The following OR2L13 variants were observed in gnomAD, a reference collection of about 807,000 sequenced individuals.
OR2L13 encodes olfactory receptor 2L13.
In OR2L13, 14 loss-of-function variants were observed where a neutral mutation model predicts 15.3. The observed-to-expected ratio is 0.91, with a 90% CI of 0.60 to 1.43. The LOEUF (loss-of-function observed/expected upper bound fraction) is 1.43. Among genes scored for constraint, OR2L13 ranks in the 40% most tolerant of loss-of-function variants. The pLI is 0.00. For missense variants in OR2L13, 367 were observed against 387.9 expected (o/e 0.95, Z 0.45); for synonymous variants, 152 against 142.9 (o/e 1.06, Z -0.45).
At chr1:248,020,034 C>T in the OR2L13 span, among the ~76,000 whole-genome samples, 4 of 152,174 alleles carry the variant, frequency 2.6e-5, no homozygotes, top group African/African-American at 9.7e-5. Flanking sequence ...CTGCCTGCCT[C>T]AGGCTCCCAG....
the OR2L13 span, among the ~76,000 whole-genome samples, chr1:248,020,415 T>TCTC: frequency 6.6e-6 from 1 of 152,150 alleles, no homozygotes; most frequent in African/African-American, 2.4e-5. Flanking sequence ...AATCAGCAGT[T>TCTC]CTATTCACCA....
chr1:247,946,987 C>T, the OR2L13 span, among the ~76,000 whole-genome samples: 1 of 152,108 alleles, frequency 6.6e-6, no homozygotes. Flanking sequence ...ACATATTGGT[C>T]CTCCTGTATG....
upstream of OR2L13, among the ~76,000 whole-genome samples, chr1:248,095,574 T>A (rs1234623477): frequency 1.3e-5 from 2 of 148,604 alleles, no homozygotes; most frequent in Admixed American, 6.9e-5. Context: ...ATATGGAATG[T>A]TTGCAGATTA....
At chr1:248,096,276 G>C (rs1239315578), upstream of OR2L13, among the ~76,000 whole-genome samples, 1 of 151,890 alleles carries the variant, frequency 6.6e-6, no homozygotes, top group Admixed American at 6.5e-5. Flanking sequence ...CCAGCTACTG[G>C]GGAGGCTGAG....
chr1:248,099,284 T>G, intron 2 of OR2L13, 74 bp from the exon 3 acceptor site: 1 of 839,788 alleles, frequency 1.2e-6, no homozygotes, highest in Non-Finnish European at 1.9e-6. Flanking sequence ...ATAAAGTCAG[T>G]TCCTTTTTGT....
the OR2L13 span, among the ~76,000 whole-genome samples, chr1:247,976,710 T>C: frequency 4.6e-5 from 7 of 152,186 alleles, no homozygotes; most frequent in African/African-American, 1.2e-4. Context: ...ATTTTGATGA[T>C]GTCATTTTCT....
rs765659340 is a variant in OR2L13 at position 248,099,469 on chromosome 1, C to T, written c.94C>T (p.Leu32Phe). The T allele has an allele frequency of 1.9e-6, 3 of 1,613,700 alleles. No individual in the cohort carries two copies. The highest frequency in any genetic ancestry group is 1.7e-5 in the Admixed American group (1 of 60,000). Residue 32 changes from leucine to phenylalanine, a missense_variant, in exon 3 of 3, where the codon CTC becomes TTC. Leu to Phe is a conservative substitution (Grantham distance 22). Transcript: ENST00000641714. ...AATATTTCTCTTGTGCCTTATCATC[C>T]TCATATTCTTTCTGGCCTCGGTGGG...
the OR2L13 span, among the ~76,000 whole-genome samples, chr1:247,999,168 A>G: frequency 6.6e-6 from 1 of 152,170 alleles, no homozygotes; most frequent in African/African-American, 2.4e-5. Context: ...ACATTCATCA[A>G]CAAAAGCTTA....
the OR2L13 span, among the ~76,000 whole-genome samples, chr1:248,026,390 T>C: frequency 6.6e-6 from 1 of 152,208 alleles, no homozygotes; most frequent in Non-Finnish European, 1.5e-5. Flanking sequence ...GTTGCAGATG[T>C]TTTTACATGG....
At chr1:247,956,885 T>G in the OR2L13 span, among the ~76,000 whole-genome samples, 75,658 of 151,982 alleles carry the variant, frequency 0.5, 21,854 homozygotes, top group Middle Eastern at 0.64. Context: ...TCATGTCATC[T>G]GCAAACAGGG....
At chr1:247,978,973 CAT>C in the OR2L13 span, among the ~76,000 whole-genome samples, 1 of 152,086 alleles carries the variant, frequency 6.6e-6, no homozygotes, top group Admixed American at 6.5e-5. Flanking sequence ...ATGTCCCCCA[CAT>C]GTGTTTACAG....
At chr1:248,098,368 T>C (rs553759579) in intron 1 of OR2L13, among the ~76,000 whole-genome samples, 1 of 152,344 alleles carries the variant, frequency 6.6e-6, no homozygotes, top group African/African-American at 2.4e-5. Context: ...TCATGTTTTT[T>C]TCTGATCAGT....
At chr1:247,980,393 C>G in the OR2L13 span, among the ~76,000 whole-genome samples, 1 of 152,082 alleles carries the variant, frequency 6.6e-6, no homozygotes, top group Non-Finnish European at 1.5e-5. Context: ...TGTTCTAAAA[C>G]TTACTGCCAG....
chr1:247,939,586 A>ATG, the OR2L13 span: 1 of 152,188 alleles, frequency 6.6e-6, no homozygotes, highest in Admixed American at 6.5e-5. Context: ...AATGAAAAAT[A>ATG]TGCTCTAGAG....
the OR2L13 span, among the ~76,000 whole-genome samples, chr1:248,081,280 TAAC>T: frequency 6.6e-6 from 1 of 152,164 alleles, no homozygotes; most frequent in African/African-American, 2.4e-5. Flanking sequence ...TGTGGTCAGA[TAAC>T]AAGTCTGAAA....
the OR2L13 span, chr1:247,991,233 C>T: frequency 8.7e-5 from 126 of 1,440,612 alleles, 6 homozygotes; most frequent in African/African-American, 1.0e-3. Context: ...AGAGTCAAAG[C>T]GCTAGGTTCA....
the OR2L13 span, among the ~76,000 whole-genome samples, chr1:247,961,111 A>G: frequency 3.3e-5 from 5 of 152,328 alleles, no homozygotes; most frequent in East Asian, 9.7e-4. Context: ...TCATTGAGAT[A>G]TAAAAGAAAC....
chr1:248,100,340 A>T (rs1267845959), exon 3 of OR2L13: 1 of 1,380,278 alleles, frequency 7.2e-7, no homozygotes, highest in South Asian at 1.2e-5. Context: ...CTCCCTTTGT[A>T]TTTCCTCTTT....
At chr1:248,012,422 C>T in the OR2L13 span, among the ~76,000 whole-genome samples, 1 of 152,130 alleles carries the variant, frequency 6.6e-6, no homozygotes, top group African/African-American at 2.4e-5. Flanking sequence ...TCCCAGTGGG[C>T]AGTCTTGAGT....
Sources: allele counts gnomAD v4.1 joint callset (sites outside exome capture counted in the v4.1 genomes callset), GRCh38; gene constraint gnomAD v4.1.1; transcripts MANE v1.5; gene names NCBI Gene and HGNC (gene_info 2026-07-23, HGNC 2026-07-21).